The following CDK5RAP2 variants were observed in gnomAD, a reference collection of about 807,000 sequenced individuals.
The protein encoded by CDK5RAP2 is CDK5 regulatory subunit-associated protein 2.
Under a neutral mutation model 232.9 loss-of-function variants are expected in CDK5RAP2, and 147 were observed. The observed-to-expected ratio is 0.63, with a 90% CI of 0.55 to 0.72. CDK5RAP2 has a LOEUF of 0.72. Ranked by LOEUF, CDK5RAP2 falls within the 30% of genes least tolerant of loss-of-function variation. The pLI is 0.00. For missense variants in CDK5RAP2, 2,195 were observed against 2,231.5 expected (o/e 0.98, Z 0.33); for synonymous variants, 833 against 833.7 (o/e 1.00, Z 0.01).
intron 22 of CDK5RAP2, among the ~76,000 whole-genome samples, chr9:120,447,313 A>G (rs1472757751): frequency 1.3e-5 from 2 of 152,138 alleles, no homozygotes; most frequent in Non-Finnish European, 2.9e-5. Flanking sequence ...TCTAAGCACC[A>G]CTGTCCTAGA....
At chr9:120,540,907 C>T (rs2041604125) in intron 5 of CDK5RAP2, among the ~76,000 whole-genome samples, 1 of 152,248 alleles carries the variant, frequency 6.6e-6, no homozygotes, top group Non-Finnish European at 1.5e-5. Context: ...GCTGGGGTCT[C>T]CGCTGGCCAA....
chr9:120,398,796 C>T (rs1289966637), intron 35 of CDK5RAP2, among the ~76,000 whole-genome samples: 1 of 152,194 alleles, frequency 6.6e-6, no homozygotes, highest in East Asian at 1.9e-4. Context: ...ACATGATACA[C>T]ACTTTCCAGA....
chr9:120,445,683 A>G (rs1295221410), intron 22 of CDK5RAP2, among the ~76,000 whole-genome samples: 1 of 152,074 alleles, frequency 6.6e-6, no homozygotes, highest in East Asian at 1.9e-4. Flanking sequence ...GATCCCTCCT[A>G]CCTCACTGGC....
chr9:120,552,905 G>A (rs1178810286), intron 3 of CDK5RAP2, among the ~76,000 whole-genome samples: 1 of 151,164 alleles, frequency 6.6e-6, no homozygotes, highest in African/African-American at 2.4e-5. Flanking sequence ...AGTAGAGACA[G>A]GAAAAAAAGA....
intron 15 of CDK5RAP2, among the ~76,000 whole-genome samples, chr9:120,475,237 T>C (rs1003668334): frequency 6.6e-6 from 1 of 152,166 alleles, no homozygotes; most frequent in Non-Finnish European, 1.5e-5. Context: ...GTGGCAGAGC[T>C]GAGATGTGGA....
In CDK5RAP2 at chr9:120,518,491, T is replaced by G; in HGVS notation, c.1247A>C (p.Glu416Ala). 1 of 1,613,712 alleles carries G rather than the reference T, an allele frequency of 6.2e-7. No homozygotes were observed. The highest frequency in any genetic ancestry group is 8.5e-7 in the Non-Finnish European group (1 of 1,179,946). ...TTCCTCCAGGTCCTTCTCCAGTCTC[T>G]CCCTCTCCTGCTGCAAGTCACTCAG... ...QELSDLQQER[E>A]RLEKDLEEAH... Residue 416 changes from glutamate (E) to alanine (A), a missense_variant, in exon 12 of 38, where the codon GAG (glutamate) becomes GCG (alanine). By Grantham distance (107) the Glu-to-Ala change is moderately radical (BLOSUM62 -1). Transcript: ENST00000349780.
chr9:120,475,559 C>T (rs2131553677), intron 15 of CDK5RAP2, among the ~76,000 whole-genome samples: 1 of 152,250 alleles, frequency 6.6e-6, no homozygotes, highest in Admixed American at 6.5e-5. Context: ...TTCCACACGA[C>T]TCAACCCCCA....
At chr9:120,451,372 G>A (rs569646279) in intron 21 of CDK5RAP2, among the ~76,000 whole-genome samples, 1 of 152,296 alleles carries the variant, frequency 6.6e-6, no homozygotes, top group South Asian at 2.1e-4. Flanking sequence ...GCAAACACAT[G>A]TATATCAGTA....
chr9:120,448,063 G>A lies in CDK5RAP2; in HGVS notation c.2857C>T (p.Arg953Cys), dbSNP rs1305903935. The A allele has an allele frequency of 1.2e-6, 2 of 1,614,136 alleles. No individual in the cohort carries two copies. Among genetic ancestry groups the A allele is most frequent in the Non-Finnish European group, 8.5e-7 (1 of 1,180,012 alleles). The change falls in exon 22 of 38, where the codon CGT becomes TGT. Residue 953 changes from arginine (R) to cysteine (C), a missense_variant. Coordinates refer to ENST00000349780, the MANE Select transcript of CDK5RAP2 (RefSeq NM_018249.6). Reference sequence around the variant, plus strand: ...ACCACCTCCTGGGTGGCAGGGAGACGATACATATTTCCTAATGACCGGGAT... The same window carrying A: ...ACCACCTCCTGGGTGGCAGGGAGACAATACATATTTCCTAATGACCGGGAT... ...KPSRSLGNMY[R>C]LPATQEVVTQ...
chr9:120,395,627 A>AG (rs2032400021), intron 35 of CDK5RAP2, among the ~76,000 whole-genome samples: 1 of 152,270 alleles, frequency 6.6e-6, no homozygotes. Context: ...TGCTTCCAAC[A>AG]GGAGAGCTGG....
At chr9:120,560,290 A>C (rs2132122552) in intron 3 of CDK5RAP2, among the ~76,000 whole-genome samples, 1 of 152,324 alleles carries the variant, frequency 6.6e-6, no homozygotes, top group Non-Finnish European at 1.5e-5. Flanking sequence ...AAATGAGCTA[A>C]AGCACCTGGC....
At position 120,409,275 on chromosome 9, in the gene CDK5RAP2, T is replaced by C; in HGVS notation, c.4456A>G (p.Arg1486Gly). The change falls in exon 30 of 38, where the codon AGG (arginine) becomes GGG (glycine). Residue 1486 changes from arginine to glycine, a missense_variant. Arg to Gly is a moderately radical substitution (Grantham distance 125). Coordinates refer to ENST00000349780, the MANE Select transcript of CDK5RAP2 (RefSeq NM_018249.6). ...ENDKLRESLS[R>G]KTVSLEHLQR... ...AGGTGCTCCAGGCTCACGGTCTTCC[T>C]GGAGAGGGACTCTCGTAATTTGTCA... The C allele has an allele frequency of 5.0e-6, 8 of 1,612,398 alleles. No individual in the cohort carries two copies. The highest frequency in any genetic ancestry group is 6.8e-6 in the Non-Finnish European group (8 of 1,179,228).
Position 120,571,977 on chromosome 9 carries a change from C to A in CDK5RAP2, c.124G>T (p.Gly42Cys). Residue 42 changes from glycine to cysteine, a missense_variant, in exon 2 of 38, where the codon GGT (glycine) becomes TGT (cysteine). Gly to Cys is a radical substitution (Grantham distance 159). Coordinates refer to ENST00000349780, the MANE Select transcript of CDK5RAP2 (RefSeq NM_018249.6). ...GINPNAGLGNGLLPNVSEETV... is the reference protein window; with the variant it reads ...GINPNAGLGNCLLPNVSEETV... Reference sequence around the variant, plus strand: ...ATGCCTGGTTTTGTGTACTTACGACCATTTCCCAACCCAGCATTGGGGTTG... The same window carrying A: ...ATGCCTGGTTTTGTGTACTTACGACAATTTCCCAACCCAGCATTGGGGTTG... 1 of 1,613,212 alleles carries A rather than the reference C, an allele frequency of 6.2e-7. No homozygotes were observed. Among genetic ancestry groups the A allele is most frequent in the Admixed American group, 1.7e-5 (1 of 60,020 alleles).
chr9:120,391,440 C>A (rs945275084), intron 36 of CDK5RAP2, among the ~76,000 whole-genome samples: 1 of 152,222 alleles, frequency 6.6e-6, no homozygotes, highest in African/African-American at 2.4e-5. Context: ...CCAACTCAGT[C>A]CATGGTTCTT....
intron 1 of CDK5RAP2, among the ~76,000 whole-genome samples, chr9:120,576,309 G>A (rs908849669): frequency 6.6e-6 from 1 of 152,188 alleles, no homozygotes; most frequent in African/African-American, 2.4e-5. Flanking sequence ...TTAAATGGAC[G>A]ATGGATTTGA....
At chr9:120,410,629 G>T (rs768221409) in intron 29 of CDK5RAP2, among the ~76,000 whole-genome samples, 3 of 152,238 alleles carry the variant, frequency 2.0e-5, no homozygotes, top group Non-Finnish European at 4.4e-5. Flanking sequence ...TAACACAGGA[G>T]ATAGGAAATG....
Position 120,464,568 on chromosome 9 carries a change from T to A in CDK5RAP2, c.2106+3292A>T, listed in dbSNP as rs1206026271. ...TGTATTCCTTAGGGCAGCAGAAGCA[T>A]CATCACCCAAATTTGTTAGAAATAC... On this transcript the variant is annotated intron_variant, in intron 18 of 37. Coordinates refer to ENST00000349780, the MANE Select transcript of CDK5RAP2 (RefSeq NM_018249.6). Among the ~76,000 whole-genome samples, 3 of 152,176 alleles carry A rather than the reference T, an allele frequency of 2.0e-5. No homozygotes were observed. In the East Asian group the frequency reaches 5.8e-4, roughly 29 times the overall value.
At chr9:120,416,431 A>G (rs1453279055) in intron 27 of CDK5RAP2, among the ~76,000 whole-genome samples, 3 of 152,264 alleles carry the variant, frequency 2.0e-5, no homozygotes, top group Admixed American at 2.0e-4. Context: ...TATACTTCAC[A>G]ATATCACAGA....
chr9:120,545,652 C>G (rs1400893188), intron 5 of CDK5RAP2, 62 bp downstream of exon 5: 11 of 1,223,576 alleles, frequency 9.0e-6, no homozygotes, highest in Non-Finnish European at 1.3e-5. Context: ...GTGTACGGCT[C>G]TATTTCACTG....
Sources: gnomAD v4.1 joint callset for allele counts (sites outside exome capture counted in the v4.1 genomes callset) on GRCh38, gnomAD v4.1.1 for gene constraint, MANE v1.5 for transcripts, NCBI Gene and HGNC (gene_info 2026-07-23, HGNC 2026-07-21) for gene names.